The following ITPK1 variants were observed in gnomAD, a reference collection of about 807,000 sequenced individuals.
ITPK1 encodes inositol 1,3,4-trisphosphate 5/6-kinase.
In ITPK1, 21 loss-of-function variants were observed where a neutral mutation model predicts 45.3. The ratio of observed to expected loss-of-function variants is 0.46; its 90% confidence interval spans 0.33 to 0.67. The LOEUF (loss-of-function observed/expected upper bound fraction) is 0.67, where lower values mean the gene tolerates loss of function less well. Among genes scored for constraint, ITPK1 ranks in the 30% least tolerant of loss-of-function variants. The pLI, the probability that ITPK1 is intolerant of heterozygous loss-of-function variation, is 0.02. For synonymous variants in ITPK1, 258 were observed against 253.6 expected, an observed-to-expected ratio of 1.02 and a Z score of -0.16; for missense variants, 474 against 573.5, an observed-to-expected ratio of 0.83 and a Z score of 1.77.
intron 4 of ITPK1, among the ~76,000 whole-genome samples, chr14:93,004,833 T>TA (rs752419521): frequency 6.0e-4 from 84 of 140,100 alleles, no homozygotes; most frequent in Non-Finnish European, 1.2e-3. Context: ...GTTGGTGATG[T>TA]CAACCACAAA....
chr14:93,002,414 G>A (rs939839607), intron 4 of ITPK1, among the ~76,000 whole-genome samples: 5 of 152,200 alleles, frequency 3.3e-5, no homozygotes, highest in African/African-American at 7.2e-5. Flanking sequence ...CTCTCCCTGC[G>A]AGCAGTGGCC....
At chr14:93,052,680 T>G (rs1372309854) in intron 3 of ITPK1, among the ~76,000 whole-genome samples, 1 of 152,062 alleles carries the variant, frequency 6.6e-6, no homozygotes, top group Non-Finnish European at 1.5e-5. Flanking sequence ...CACTCTATAT[T>G]CAATATAATA....
intron 5 of ITPK1, 35 bp from the exon 6 acceptor site, chr14:92,962,884 C>T: frequency 6.7e-7 from 1 of 1,491,928 alleles, no homozygotes; most frequent in Non-Finnish European, 9.3e-7. Context: ...AGCACAGCTC[C>T]TGGGCAGCCG....
At position 93,058,399 on chromosome 14, in the gene ITPK1, C is replaced by T. The variant is rs1313768035; in HGVS notation, c.120+18196G>A. Among the ~76,000 whole-genome samples the T allele has an allele frequency of 7.6e-4, 78 of 102,762 alleles. 1 individual carries two copies. The highest frequency in any genetic ancestry group is 8.7e-4 in the Non-Finnish European group (44 of 50,824). 67.4% of individuals were successfully genotyped at this position (102,762 alleles called of 152,430 possible). On this transcript the variant is annotated intron_variant, in intron 3 of 10. Coordinates refer to ENST00000267615, the MANE Select transcript of ITPK1 (RefSeq NM_014216.6). ...AGGCAGGGGTGGAGGGGGTGTAGGT[C>T]GCAACACAGGGGTGGAGGGGGTGCG...
rs568973966 is a variant in ITPK1, at chr14:92,950,334, T to G, written c.738+1612A>C. Among the ~76,000 whole-genome samples the G allele has an allele frequency of 9.2e-5, 14 of 152,286 alleles. No homozygotes were observed. The South Asian group carries it at 2.7e-3, about 29-fold the overall frequency. On this transcript the variant is annotated intron_variant, in intron 9 of 10. Transcript: ENST00000267615. ...GGGGCAGGTGGATGAGCAGCAAGCG[T>G]GTTTCCGCACCTGGGAACAGAGCTG...
chr14:92,941,141 C>T lies in ITPK1; in HGVS notation c.*420G>A, dbSNP rs12588550. ...GAAGGGAAGCCACTCTCACATGCACCGATCAGCCTCCCACAGCCCGACATG... is the reference window on the plus strand; with the variant it reads ...GAAGGGAAGCCACTCTCACATGCACTGATCAGCCTCCCACAGCCCGACATG... On this transcript the variant is annotated 3_prime_UTR_variant, in exon 11 of 11. Transcript: ENST00000267615. 0.71 allele frequency: 853,388 copies of T among 1,201,230 alleles called. 304,358 individuals are homozygous for T. The highest frequency in any genetic ancestry group is 0.93 in the East Asian group (16,158 of 17,404). The allele number at this position is 1,201,230 out of a possible 1,614,324, so 74.4% of individuals were successfully genotyped here.
At chr14:93,102,359 T>C (rs1286168580) in intron 2 of ITPK1, among the ~76,000 whole-genome samples, 2 of 152,244 alleles carry the variant, frequency 1.3e-5, no homozygotes, top group Non-Finnish European at 2.9e-5. Context: ...TCCAACACGA[T>C]CCCAATGCCG....
At chr14:92,968,695 C>A (rs549614919) in intron 5 of ITPK1, among the ~76,000 whole-genome samples, 1 of 152,336 alleles carries the variant, frequency 6.6e-6, no homozygotes, top group East Asian at 1.9e-4. Context: ...AGACAGCAGC[C>A]TAGGTGGGAG....
intron 2 of ITPK1, among the ~76,000 whole-genome samples, chr14:93,112,381 C>A (rs754528429): frequency 2.8e-4 from 42 of 152,122 alleles, no homozygotes; most frequent in Non-Finnish European, 5.4e-4. Context: ...GCTAAACAAC[C>A]CACCCCGGGC....
chr14:92,939,612 G>C lies in ITPK1; in HGVS notation c.*1949C>G. On this transcript the variant is annotated 3_prime_UTR_variant, in exon 11 of 11. Transcript: ENST00000267615. ...AGCCCCGCCCCCGCCCCACCACGGAGGCCTATGGACGCCACCACGACACCA... is the reference window on the plus strand; with the variant it reads ...AGCCCCGCCCCCGCCCCACCACGGACGCCTATGGACGCCACCACGACACCA... 13 of 799,530 alleles carry C rather than the reference G, an allele frequency of 1.6e-5. No homozygotes were observed. Among genetic ancestry groups the C allele is most frequent in the South Asian group, 5.7e-5 (1 of 17,584 alleles). The allele number at this position is 799,530 out of a possible 1,614,324, so 49.5% of individuals were successfully genotyped here.
At chr14:92,973,224 G>T (rs376424224) in intron 5 of ITPK1, among the ~76,000 whole-genome samples, 15 of 152,366 alleles carry the variant, frequency 9.8e-5, no homozygotes, top group Admixed American at 4.6e-4. Flanking sequence ...TAGGCAGTAT[G>T]TTCCTTGGGG....
chr14:93,092,594 C>A (rs1566781702), intron 2 of ITPK1, among the ~76,000 whole-genome samples: 1 of 152,212 alleles, frequency 6.6e-6, no homozygotes, highest in East Asian at 1.9e-4. Flanking sequence ...GCAATTTTAC[C>A]CCCCACCCAG....
intron 3 of ITPK1, chr14:93,066,320 ATGTGTGTG>A (rs755050138): frequency 2.4e-6 from 1 of 420,494 alleles, no homozygotes; most frequent in South Asian, 1.7e-5. Context: ...GTGTGTGTGT[ATGTGTGTG>A]TGTGTGTGTG....
intron 2 of ITPK1, among the ~76,000 whole-genome samples, chr14:93,091,996 G>A (rs1477068740): frequency 1.3e-5 from 2 of 152,132 alleles, no homozygotes; most frequent in Non-Finnish European, 1.5e-5. Flanking sequence ...GCTCTGGCAC[G>A]GTGTCCAACC....
At chr14:93,048,651 A>G (rs895903050) in intron 3 of ITPK1, among the ~76,000 whole-genome samples, 1 of 152,202 alleles carries the variant, frequency 6.6e-6, no homozygotes, top group African/African-American at 2.4e-5. Context: ...TTGAAAGAGA[A>G]GAAACACTCT....
intron 2 of ITPK1, among the ~76,000 whole-genome samples, chr14:93,083,890 G>A (rs1382618470): frequency 6.6e-6 from 1 of 152,180 alleles, no homozygotes; most frequent in African/African-American, 2.4e-5. Flanking sequence ...ACTGGGCAGA[G>A]AGAAAGGCTG....
At chr14:92,988,076 G>A (rs1017568115) in intron 5 of ITPK1, among the ~76,000 whole-genome samples, 1 of 152,212 alleles carries the variant, frequency 6.6e-6, no homozygotes, top group Non-Finnish European at 1.5e-5. Context: ...GACAACAGCC[G>A]ATGTGAAAAC....
intron 3 of ITPK1, among the ~76,000 whole-genome samples, chr14:93,023,246 T>C (rs907635135): frequency 3.9e-5 from 6 of 152,190 alleles, no homozygotes; most frequent in Admixed American, 3.9e-4. Flanking sequence ...TGGGTGATCA[T>C]GTGACTCGTT....
chr14:92,970,887 G>A (rs918025039), intron 5 of ITPK1, among the ~76,000 whole-genome samples: 3 of 152,146 alleles, frequency 2.0e-5, no homozygotes, highest in African/African-American at 4.8e-5. Flanking sequence ...CGCCCGCCTC[G>A]GCCTCCCAAA....
Sources: allele counts gnomAD v4.1 joint callset (sites outside exome capture counted in the v4.1 genomes callset), GRCh38; gene constraint gnomAD v4.1.1; transcripts MANE v1.5; gene names NCBI Gene and HGNC (gene_info 2026-07-23, HGNC 2026-07-21).